Variants in SBK1 observed in about 807,000 individuals in gnomAD.
The protein encoded by SBK1 is serine/threonine-protein kinase SBK1.
A neutral mutation model predicts 24.4 loss-of-function variants in SBK1; 11 were observed. That is an observed-to-expected ratio of 0.45 (90% CI 0.28 to 0.75). The LOEUF is 0.75. SBK1 is among the 30% of genes least tolerant of loss of function. The pLI is 0.12. For missense variants in SBK1, 467 were observed against 620.5 expected, an observed-to-expected ratio of 0.75 and a Z score of 2.63; for synonymous variants, 308 against 284.4, an observed-to-expected ratio of 1.08 and a Z score of -0.83.
intron 1 of SBK1, among the ~76,000 whole-genome samples, chr16:28,302,035 A>T (rs2044683250): frequency 6.6e-6 from 1 of 152,234 alleles, no homozygotes. Context: ...GAGAGGCCTT[A>T]TCTAGAGGCT....
chr16:28,295,713 G>A (rs184737694), intron 1 of SBK1, among the ~76,000 whole-genome samples: 14 of 152,152 alleles, frequency 9.2e-5, no homozygotes, highest in African/African-American at 3.4e-4. Flanking sequence ...AAAAAAGTCG[G>A]GGGGAGGCAA....
At chr16:28,263,764 G>A (rs537536400) in intron 1 of SBK1, among the ~76,000 whole-genome samples, 5 of 152,298 alleles carry the variant, frequency 3.3e-5, no homozygotes, top group African/African-American at 9.6e-5. Flanking sequence ...ATGAATAGAG[G>A]ACGCCAACGT....
At chr16:28,276,529 A>G (rs1205002975) in intron 1 of SBK1, among the ~76,000 whole-genome samples, 2 of 152,274 alleles carry the variant, frequency 1.3e-5, no homozygotes, top group Non-Finnish European at 2.9e-5. Flanking sequence ...GGTTGGTCCT[A>G]TAGCAGGACA....
chr16:28,307,600 C>A (rs139817303), intron 1 of SBK1, among the ~76,000 whole-genome samples: 1 of 151,726 alleles, frequency 6.6e-6, no homozygotes, highest in South Asian at 2.1e-4. Flanking sequence ...ATTAGCCGGG[C>A]GTGGTGGCTC....
chr16:28,310,160 C>T (rs1214120905), intron 1 of SBK1, among the ~76,000 whole-genome samples: 1 of 152,206 alleles, frequency 6.6e-6, no homozygotes, highest in East Asian at 1.9e-4. Context: ...CAGATGGAGG[C>T]CTCCCTCAGG....
At position 28,317,643 on chromosome 16, in the gene SBK1, TGA is replaced by T; in HGVS notation, c.226+30_226+31del. 1 of 1,510,308 alleles carries T rather than the reference TGA, an allele frequency of 6.6e-7. No homozygotes were observed. The highest frequency in any genetic ancestry group is 9.2e-7 in the Non-Finnish European group (1 of 1,085,690). The allele number at this position is 1,510,308 out of a possible 1,614,324, so 93.6% of individuals were successfully genotyped here. On this transcript the variant is annotated intron_variant, in intron 2 of 3. Coordinates refer to ENST00000341901, the MANE Select transcript of SBK1 (RefSeq NM_001024401.3). This position sits in a 1 kb window ranked among gnomAD's most constrained non-coding sequence, Gnocchi z 4.2. ...GTGAACAAGTGCAGGGTGGCAGGGCTGAGAGGTTGGGGTGGGGCAGGGCTGGG... is the reference window on the plus strand; with the variant it reads ...GTGAACAAGTGCAGGGTGGCAGGGCTGAGGTTGGGGTGGGGCAGGGCTGGG...
intron 1 of SBK1, among the ~76,000 whole-genome samples, chr16:28,306,250 G>A (rs952747069): frequency 2.6e-5 from 4 of 152,222 alleles, no homozygotes; most frequent in African/African-American, 9.6e-5. Flanking sequence ...CCATCATGGG[G>A]GAAGGGGAGA....
Position 28,320,159 on chromosome 16 carries a change from G to A in SBK1, c.513G>A (p.Val171=). The A allele has an allele frequency of 6.3e-7, 1 of 1,584,210 alleles. No individual in the cohort carries two copies. The change falls in exon 4 of 4, where the codon GTG becomes GTA. Residue 171 remains valine (V), a synonymous_variant. Coordinates refer to ENST00000341901, the MANE Select transcript of SBK1 (RefSeq NM_001024401.3). This position sits in a 1 kb window ranked among gnomAD's most constrained non-coding sequence, Gnocchi z 8.5. ...ALDFMHGRQL[V]HRDIKPENVL... is the part of the protein sequence containing the mutation. ...ACTTCATGCACGGGCGGCAGCTGGT[G>A]CACCGCGACATCAAGCCCGAGAACG...
chr16:28,305,002 C>T (rs944153238), intron 1 of SBK1, among the ~76,000 whole-genome samples: 5 of 152,062 alleles, frequency 3.3e-5, no homozygotes, highest in South Asian at 4.1e-4. Flanking sequence ...CTCCACCTCC[C>T]GGGTTCAAGT....
At chr16:28,264,344 C>T (rs1387970268) in intron 1 of SBK1, among the ~76,000 whole-genome samples, 2 of 151,830 alleles carry the variant, frequency 1.3e-5, no homozygotes, top group Non-Finnish European at 2.9e-5. Flanking sequence ...GAGGCAGAGG[C>T]GGGCGGATCA....
chr16:28,320,349 G>T lies in SBK1; in HGVS notation c.703G>T (p.Asp235Tyr). ...ADGLAVDTGV[D>Y]VWAFGVLIFC... ...CGGGCTGGCGGTGGACACGGGCGTG[G>T]ACGTGTGGGCCTTCGGCGTGCTCAT... Residue 235 changes from aspartate (D) to tyrosine (Y), a missense_variant, in exon 4 of 4, where the codon GAC becomes TAC. Coordinates refer to ENST00000341901, the MANE Select transcript of SBK1 (RefSeq NM_001024401.3). The surrounding 1 kb of genome is among the most constrained non-coding windows in gnomAD (Gnocchi z 8.5). The T allele has an allele frequency of 6.3e-7, 1 of 1,593,548 alleles. No individual in the cohort carries two copies.
intron 1 of SBK1, among the ~76,000 whole-genome samples, chr16:28,281,786 T>C (rs1322096114): frequency 6.6e-6 from 1 of 151,964 alleles, no homozygotes; most frequent in Non-Finnish European, 1.5e-5. Context: ...AATAAGTGGG[T>C]GGGCATGAAC....
At position 28,303,514 on chromosome 16, in the gene SBK1, T is replaced by C. The variant is rs933606017; in HGVS notation, c.-8+10214T>C. Among the ~76,000 whole-genome samples the C allele has an allele frequency of 2.2e-4, 29 of 130,232 alleles. No homozygotes were observed. The South Asian group carries it at 3.6e-3, about 16-fold the overall frequency. The allele number at this position is 130,232 out of a possible 152,430, so 85.4% of individuals were successfully genotyped here. ...TTTCTTTTCTTTTCTTTTCTTTTTT[T>C]TTTTTTTTTTTTTTTTTTGAGACAG... On this transcript the variant is annotated intron_variant, in intron 1 of 3. Transcript: ENST00000341901.
At chr16:28,285,232 C>G (rs1597016251) in intron 1 of SBK1, 2 of 152,290 alleles carry the variant, frequency 1.3e-5, no homozygotes, top group Non-Finnish European at 2.9e-5. Flanking sequence ...AGCCACAGCA[C>G]CTGGCTCGTG....
At chr16:28,309,708 G>A (rs1291666088) in intron 1 of SBK1, among the ~76,000 whole-genome samples, 1 of 152,138 alleles carries the variant, frequency 6.6e-6, no homozygotes, top group Non-Finnish European at 1.5e-5. Context: ...ACCAGCCTAG[G>A]CAAAATGGGG....
intron 1 of SBK1, among the ~76,000 whole-genome samples, chr16:28,316,586 G>A (rs181063759): frequency 9.2e-5 from 14 of 151,980 alleles, no homozygotes; most frequent in Non-Finnish European, 1.6e-4. Flanking sequence ...GCAACATAAA[G>A]AGATGCCAAC....
chr16:28,297,145 C>A (rs1301000588), intron 1 of SBK1, among the ~76,000 whole-genome samples: 2 of 151,838 alleles, frequency 1.3e-5, no homozygotes, highest in Non-Finnish European at 2.9e-5. Flanking sequence ...GCCTGGCCAA[C>A]ATGGTGAAAC....
In SBK1 at chr16:28,300,811, C is replaced by T. The variant is rs567754875; in HGVS notation, c.-8+7511C>T. Among the ~76,000 whole-genome samples, 67 of 152,220 alleles carry T rather than the reference C, an allele frequency of 4.4e-4. 1 individual carries two copies. The highest frequency in any genetic ancestry group is 6.6e-4 in the Non-Finnish European group (45 of 68,004). On this transcript the variant is annotated intron_variant, in intron 1 of 3. Coordinates refer to ENST00000341901, the MANE Select transcript of SBK1 (RefSeq NM_001024401.3). ...AAACTGCACTGTTATTTTATTATTT[C>T]ACTTTACTGAGGATGGGGAAATGGG...
intron 1 of SBK1, among the ~76,000 whole-genome samples, chr16:28,304,775 T>C (rs1488179161): frequency 1.4e-5 from 2 of 145,626 alleles, no homozygotes; most frequent in African/African-American, 2.8e-5. Flanking sequence ...GCCCAGCTAA[T>C]TTTTTTGTAT....
Sources: gnomAD v4.1 joint callset for allele counts (sites outside exome capture counted in the v4.1 genomes callset) on GRCh38, gnomAD v4.1.1 for gene constraint, Gnocchi (gnomAD v3.1) non-coding constraint, MANE v1.5 for transcripts, NCBI Gene and HGNC (gene_info 2026-07-23, HGNC 2026-07-21) for gene names.